The following DPYD variants were observed in gnomAD, a reference collection of about 807,000 sequenced individuals.
DPYD encodes dihydropyrimidine dehydrogenase, also known as dihydropyrimidine dehydrogenase [NADP(+)].
In DPYD, 109 loss-of-function variants were observed where a neutral mutation model predicts 116.2. The ratio of observed to expected loss-of-function variants is 0.94; its 90% CI spans 0.80 to 1.10. DPYD has a LOEUF of 1.10. Ranked by LOEUF, DPYD falls within the 50% of genes least tolerant of loss-of-function variation. The pLI is 0.00. For synonymous variants in DPYD, 440 were observed against 432.0 expected (o/e 1.02, Z -0.23); for missense variants, 1,302 against 1,254.5 (o/e 1.04, Z -0.57).
At chr1:97,649,710 C>T (rs549207750) in intron 8 of DPYD, among the ~76,000 whole-genome samples, 36 of 152,044 alleles carry the variant, frequency 2.4e-4, no homozygotes, top group African/African-American at 7.2e-4. Flanking sequence ...AATTAAGACT[C>T]GCATATTTGA....
chr1:97,152,085 G>C (rs903850472), intron 20 of DPYD, among the ~76,000 whole-genome samples: 5 of 152,138 alleles, frequency 3.3e-5, no homozygotes, highest in Non-Finnish European at 7.3e-5. Context: ...ATGGCTTGAA[G>C]TTTCCTATCA....
intron 20 of DPYD, among the ~76,000 whole-genome samples, chr1:97,185,921 C>T (rs1657963890): frequency 1.3e-5 from 2 of 152,150 alleles, no homozygotes; most frequent in Admixed American, 6.5e-5. Context: ...ATGTGTTTGT[C>T]ACAACTTGTC....
intron 13 of DPYD, among the ~76,000 whole-genome samples, chr1:97,479,084 T>C (rs1678158413): frequency 6.6e-6 from 1 of 152,192 alleles, no homozygotes; most frequent in Admixed American, 6.5e-5. Context: ...ACTTTCCCTA[T>C]AGCAGCAATC....
chr1:97,171,307 TG>T (rs1403309157), intron 20 of DPYD, among the ~76,000 whole-genome samples: 4 of 152,002 alleles, frequency 2.6e-5, no homozygotes, highest in African/African-American at 9.7e-5. Flanking sequence ...TGAATACAGG[TG>T]AGTAAGTATT....
At chr1:97,096,024 C>T (rs1650221680) in intron 21 of DPYD, 1 of 152,178 alleles carries the variant, frequency 6.6e-6, no homozygotes. Flanking sequence ...GCTTATGTAA[C>T]ATGTAACACC....
At chr1:97,788,216 G>A (rs937057492) in intron 3 of DPYD, among the ~76,000 whole-genome samples, 2 of 152,116 alleles carry the variant, frequency 1.3e-5, no homozygotes, top group African/African-American at 4.8e-5. Context: ...CCTTGAATCT[G>A]GACTACTTTG....
chr1:97,394,690 T>C (rs1672916146), intron 14 of DPYD, among the ~76,000 whole-genome samples: 1 of 152,006 alleles, frequency 6.6e-6, no homozygotes, highest in Non-Finnish European at 1.5e-5. Flanking sequence ...AGAAGCAGGA[T>C]TGCCACAAAC....
chr1:97,587,331 A>AT (rs1654195394), intron 10 of DPYD, among the ~76,000 whole-genome samples: 1 of 152,194 alleles, frequency 6.6e-6, no homozygotes, highest in Non-Finnish European at 1.5e-5. Context: ...AAATCATGTC[A>AT]ACATGTCTCT....
intron 12 of DPYD, among the ~76,000 whole-genome samples, chr1:97,534,728 G>A (rs1008960492): frequency 2.6e-5 from 4 of 151,850 alleles, no homozygotes; most frequent in African/African-American, 9.7e-5. Flanking sequence ...CTAACTCATG[G>A]CCAACTACAT....
chr1:97,463,513 G>A (rs1017408780), intron 13 of DPYD, among the ~76,000 whole-genome samples: 1 of 152,156 alleles, frequency 6.6e-6, no homozygotes, highest in Non-Finnish European at 1.5e-5. Context: ...CCAGTAGAGT[G>A]GGGTGCTGCT....
chr1:97,516,985 G>A (rs1338534784), intron 12 of DPYD, among the ~76,000 whole-genome samples: 2 of 152,078 alleles, frequency 1.3e-5, no homozygotes, highest in Non-Finnish European at 2.9e-5. Flanking sequence ...CAAAAGAAAA[G>A]TTATTTGAGC....
At chr1:97,269,435 A>G (rs986192841) in intron 18 of DPYD, among the ~76,000 whole-genome samples, 1 of 152,118 alleles carries the variant, frequency 6.6e-6, no homozygotes, top group African/African-American at 2.4e-5. Context: ...ACCCAGTTCC[A>G]AAGTCATTTC....
chr1:97,239,296 A>G (rs1426525424), intron 18 of DPYD, among the ~76,000 whole-genome samples: 1 of 152,186 alleles, frequency 6.6e-6, no homozygotes, highest in Non-Finnish European at 1.5e-5. Context: ...TCTTAAGAAA[A>G]TGAACTCTCA....
intron 18 of DPYD, among the ~76,000 whole-genome samples, chr1:97,279,458 G>C (rs1232908440): frequency 6.6e-6 from 1 of 152,076 alleles, no homozygotes; most frequent in Non-Finnish European, 1.5e-5. Flanking sequence ...ACAACCCTGT[G>C]CAATCAGGTT....
At chr1:97,614,138 T>C (rs1037133158) in intron 8 of DPYD, among the ~76,000 whole-genome samples, 1 of 152,026 alleles carries the variant, frequency 6.6e-6, no homozygotes, top group Admixed American at 6.6e-5. Flanking sequence ...TATTAAAAAT[T>C]TTTTAAAGTT....
At chr1:97,657,968 G>T (rs1311978353) in intron 8 of DPYD, among the ~76,000 whole-genome samples, 3 of 152,168 alleles carry the variant, frequency 2.0e-5, no homozygotes, top group African/African-American at 4.8e-5. Flanking sequence ...ACACTTTTGA[G>T]ACCAATAGAT....
intron 8 of DPYD, among the ~76,000 whole-genome samples, chr1:97,648,822 C>T (rs1300081877): frequency 1.3e-5 from 2 of 151,874 alleles, no homozygotes; most frequent in African/African-American, 2.4e-5. Flanking sequence ...ACTTTTTAAT[C>T]ATAATCACTT....
intron 18 of DPYD, among the ~76,000 whole-genome samples, chr1:97,285,392 CT>C (rs1230746160): frequency 2.6e-5 from 4 of 152,102 alleles, no homozygotes; most frequent in Non-Finnish European, 5.9e-5. Flanking sequence ...GTGCCAAGTG[CT>C]TCATTTCTCT....
chr1:97,431,598 T>C (rs767001619), intron 14 of DPYD, among the ~76,000 whole-genome samples: 3 of 152,166 alleles, frequency 2.0e-5, no homozygotes, highest in Non-Finnish European at 4.4e-5. Flanking sequence ...TTGTACATTT[T>C]TATGGAGTAC....
Sources: allele counts gnomAD v4.1 joint callset (sites outside exome capture counted in the v4.1 genomes callset), GRCh38; gene constraint gnomAD v4.1.1; transcripts MANE v1.5; gene names NCBI Gene and HGNC (gene_info 2026-07-23, HGNC 2026-07-21).